PTPRG: variants seen among roughly 807,000 people sequenced by gnomAD.
PTPRG encodes receptor-type tyrosine-protein phosphatase gamma.
Under a neutral mutation model 165.3 loss-of-function variants are expected in PTPRG, and 102 were observed. The observed-to-expected ratio is 0.62, with a 90% CI of 0.53 to 0.73. The LOEUF (loss-of-function observed/expected upper bound fraction) is 0.73. PTPRG is among the 30% of genes least tolerant of loss of function. The pLI is 0.00. For synonymous variants in PTPRG, 675 were observed against 669.5 expected (o/e 1.01, Z -0.13); for missense variants, 1,866 against 1,861.4 (o/e 1.00, Z -0.05).
intron 4 of PTPRG, among the ~76,000 whole-genome samples, chr3:62,053,452 A>T (rs36048494): frequency 0.23 from 35,608 of 151,860 alleles, 5,344 homozygotes; most frequent in Non-Finnish European, 0.33. Context: ...TTTTTAGTAG[A>T]GACGGGGTTT....
chr3:61,648,170 A>AC (rs1702255907), intron 1 of PTPRG, among the ~76,000 whole-genome samples: 1 of 152,118 alleles, frequency 6.6e-6, no homozygotes, highest in Non-Finnish European at 1.5e-5. Flanking sequence ...GGTGTTGTGG[A>AC]CCCCCATGGT....
intron 1 of PTPRG, among the ~76,000 whole-genome samples, chr3:61,685,130 G>T (rs1376675876): frequency 6.6e-6 from 1 of 152,124 alleles, no homozygotes; most frequent in African/African-American, 2.4e-5. Flanking sequence ...TGGTTATGAG[G>T]ATTAAACGAG....
At chr3:61,605,942 C>T (rs1298847674) in intron 1 of PTPRG, among the ~76,000 whole-genome samples, 3 of 152,268 alleles carry the variant, frequency 2.0e-5, no homozygotes, top group Non-Finnish European at 4.4e-5. Context: ...CACTGCCATG[C>T]TGCCTTAAAA....
At chr3:61,830,413 A>G (rs2036242526) in intron 2 of PTPRG, among the ~76,000 whole-genome samples, 2 of 151,332 alleles carry the variant, frequency 1.3e-5, no homozygotes, top group Non-Finnish European at 2.9e-5. Context: ...CAATCTCTCC[A>G]ACTGTCTGTC....
intron 2 of PTPRG, among the ~76,000 whole-genome samples, chr3:61,830,616 C>T (rs2036257228): frequency 7.1e-6 from 1 of 141,422 alleles, no homozygotes. Context: ...CTCTTGTTGC[C>T]CATGCTGGAG....
chr3:61,909,099 C>CAAAGAAA (rs569300537), intron 2 of PTPRG, among the ~76,000 whole-genome samples: 191 of 152,290 alleles, frequency 1.3e-3, no homozygotes, highest in African/African-American at 4.3e-3. Context: ...TTCTTGGTTT[C>CAAAGAAA]ATTCCTTGGC....
chr3:61,708,311 A>G (rs1006413794), intron 1 of PTPRG, among the ~76,000 whole-genome samples: 14 of 152,020 alleles, frequency 9.2e-5, no homozygotes, highest in African/African-American at 3.1e-4. Context: ...TCATGATGGA[A>G]GCAGTGACCT....
At chr3:62,044,709 A>G (rs1056191343) in intron 4 of PTPRG, among the ~76,000 whole-genome samples, 2 of 152,152 alleles carry the variant, frequency 1.3e-5, no homozygotes, top group South Asian at 2.1e-4. Flanking sequence ...GTGCAGCCAT[A>G]TTGTCATTAT....
At position 62,271,383 on chromosome 3, in the gene PTPRG, G is replaced by T. The variant is rs1471174952; in HGVS notation, c.3010G>T (p.Gly1004Cys). 1.9e-6 allele frequency: 3 copies of T among 1,595,260 alleles called. No individual in the cohort carries two copies. Among genetic ancestry groups the T allele is most frequent in the Non-Finnish European group, 1.7e-6 (2 of 1,172,068 alleles). Residue 1004 changes from glycine to cysteine, a missense_variant and splice_region_variant, in exon 21 of 30, where the codon GGT (glycine) becomes TGT (cysteine). Physicochemically the swap from Gly to Cys is radical, Grantham distance 159. This residue lies in a region of PTPRG where 1,452 missense variants were observed against 1,463.0 expected (regional missense o/e 0.99). Transcript: ENST00000474889. The surrounding 1 kb of genome is among the most constrained non-coding windows in gnomAD (Gnocchi z 4.1). ...FSIRNTKVKK[G>C]QKGNPKGRQN... ...ACATCTTTTTTCACTTTTCTCACAGGGTCAGAAGGGAAATCCCAAGGGTCG... is the reference window on the plus strand; with the variant it reads ...ACATCTTTTTTCACTTTTCTCACAGTGTCAGAAGGGAAATCCCAAGGGTCG...
chr3:61,962,008 G>A lies in PTPRG; in HGVS notation c.191-27617G>A, dbSNP rs73098168. Among the ~76,000 whole-genome samples, 503 of 152,204 alleles carry A rather than the reference G, an allele frequency of 3.3e-3. 2 individuals are homozygous for A. Among genetic ancestry groups the A allele is most frequent in the Non-Finnish European group, 5.9e-3 (400 of 68,012 alleles). ...CCAGCTCCCTACACTGAGTTAAATT[G>A]CCTCCCTGGTGCCATGAAGTATTTT... On this transcript the variant is annotated intron_variant, in intron 2 of 29. Coordinates refer to ENST00000474889, the MANE Select transcript of PTPRG (RefSeq NM_002841.4).
chr3:62,065,346 A>C (rs1479029194), intron 4 of PTPRG, among the ~76,000 whole-genome samples: 3 of 152,166 alleles, frequency 2.0e-5, no homozygotes, highest in Admixed American at 2.0e-4. Flanking sequence ...GTACCGCATG[A>C]GACCAGGGCT....
intron 1 of PTPRG, among the ~76,000 whole-genome samples, chr3:61,641,012 G>A (rs996764755): frequency 1.2e-4 from 18 of 152,126 alleles, no homozygotes; most frequent in Non-Finnish European, 1.5e-5. Context: ...AAGATTCTTC[G>A]AGCTTCGGCT....
At chr3:62,264,225 A>T (rs1701790790) in intron 17 of PTPRG, 1 of 152,124 alleles carries the variant, frequency 6.6e-6, no homozygotes, top group Non-Finnish European at 1.5e-5. Flanking sequence ...AGGCACACGA[A>T]TCACTTGAAC....
intron 1 of PTPRG, among the ~76,000 whole-genome samples, chr3:61,719,441 C>T (rs2031955454): frequency 6.6e-6 from 1 of 152,108 alleles, no homozygotes; most frequent in Admixed American, 6.6e-5. Flanking sequence ...ATGTGCCCCT[C>T]CTCTCTGTCC....
intron 2 of PTPRG, among the ~76,000 whole-genome samples, chr3:61,858,231 A>C (rs2037168570): frequency 6.6e-6 from 1 of 152,226 alleles, no homozygotes; most frequent in Non-Finnish European, 1.5e-5. Context: ...CCACAAATAC[A>C]GAAGTACATT....
At chr3:61,912,580 C>T (rs575361084) in intron 2 of PTPRG, among the ~76,000 whole-genome samples, 3 of 152,116 alleles carry the variant, frequency 2.0e-5, no homozygotes, top group Non-Finnish European at 4.4e-5. Flanking sequence ...CTCAGAAGAC[C>T]GACAGTCTTT....
At chr3:62,013,474 A>G (rs1302600967) in intron 4 of PTPRG, among the ~76,000 whole-genome samples, 1 of 152,250 alleles carries the variant, frequency 6.6e-6, no homozygotes, top group East Asian at 1.9e-4. Context: ...TACAGTGAAC[A>G]AATCTGAAGA....
chr3:61,954,394 G>A (rs2039987234), intron 2 of PTPRG, among the ~76,000 whole-genome samples: 1 of 152,054 alleles, frequency 6.6e-6, no homozygotes, highest in African/African-American at 2.4e-5. Context: ...AGAGAGGTTG[G>A]GCTGGTGATG....
chr3:61,821,879 T>C (rs893384021), intron 2 of PTPRG, among the ~76,000 whole-genome samples: 4 of 152,206 alleles, frequency 2.6e-5, no homozygotes, highest in African/African-American at 9.6e-5. Flanking sequence ...ATTTTACAGA[T>C]GAGTAAACAG....
Sources: allele counts gnomAD v4.1 joint callset (sites outside exome capture counted in the v4.1 genomes callset), GRCh38; gene constraint gnomAD v4.1.1; regional missense constraint gnomAD v4.1.1; non-coding constraint Gnocchi (gnomAD v3.1); transcripts MANE v1.5; gene names NCBI Gene and HGNC (gene_info 2026-07-23, HGNC 2026-07-21).